EEA1: variants seen among roughly 807,000 people sequenced by gnomAD.
EEA1 encodes the protein early endosome antigen 1.
A neutral mutation model predicts 209.2 loss-of-function variants in EEA1; 111 were observed. That is an observed-to-expected ratio of 0.53 (90% CI 0.45 to 0.62). The LOEUF (loss-of-function observed/expected upper bound fraction) is 0.62, where lower values mean the gene tolerates loss of function less well. EEA1 is among the 20% of genes least tolerant of loss of function. The pLI is 0.00. For missense variants in EEA1, 1,343 were observed against 1,530.8 expected, an observed-to-expected ratio of 0.88 and a Z score of 2.05; for synonymous variants, 536 against 540.6, an observed-to-expected ratio of 0.99 and a Z score of 0.12.
chr12:92,780,093 T>C (rs76152297), intron 24 of EEA1, among the ~76,000 whole-genome samples, 187 bp downstream of exon 24: 120 of 152,238 alleles, frequency 7.9e-4, no homozygotes, highest in African/African-American at 2.8e-3. Context: ...AATGTAGCAA[T>C]TTCAATATGT....
intron 26 of EEA1, 115 bp from the exon 27 acceptor site, chr12:92,777,778 A>G (rs1241622955): frequency 2.3e-6 from 3 of 1,283,820 alleles, no homozygotes; most frequent in Non-Finnish European, 3.2e-6. Flanking sequence ...ATTAATTTTG[A>G]CTATCTGATT....
Position 92,853,971 on chromosome 12 carries a change from G to C in EEA1, c.367-17C>G. 9 of 1,555,176 alleles carry C rather than the reference G, an allele frequency of 5.8e-6. No individual in the cohort carries two copies. Among genetic ancestry groups the C allele is most frequent in the South Asian group, 2.5e-5 (2 of 80,134 alleles). Reference sequence around the variant, plus strand: ...TTTGGCCTCCTCAATTAAAACAAAAGACATAAACAAATGAATTAAAAGGAA... The same window carrying C: ...TTTGGCCTCCTCAATTAAAACAAAACACATAAACAAATGAATTAAAAGGAA... On this transcript the variant is annotated splice_polypyrimidine_tract_variant and intron_variant, in intron 5 of 28. Coordinates refer to ENST00000322349, the MANE Select transcript of EEA1 (RefSeq NM_003566.4).
chr12:92,826,309 T>C (rs1418512879), intron 12 of EEA1, 24 bp from the exon 13 acceptor site: 49 of 1,599,762 alleles, frequency 3.1e-5, no homozygotes, highest in Non-Finnish European at 3.7e-5. Flanking sequence ...AGATTGTCAA[T>C]TGAGAACTTA....
intron 1 of EEA1, among the ~76,000 whole-genome samples, chr12:92,900,735 C>A (rs1880111007): frequency 1.3e-5 from 2 of 149,194 alleles, no homozygotes; most frequent in African/African-American, 4.9e-5. Flanking sequence ...ATGGTGTGAT[C>A]TTGGCTCACT....
intron 5 of EEA1, among the ~76,000 whole-genome samples, chr12:92,856,020 T>A (rs1024608705): frequency 6.6e-6 from 1 of 152,224 alleles, no homozygotes; most frequent in Non-Finnish European, 1.5e-5. Flanking sequence ...TAAGACTGAT[T>A]ATCTTGTCAT....
chr12:92,783,881 C>T lies in EEA1; in HGVS notation c.3151-1746G>A, dbSNP rs551082304. On this transcript the variant is annotated intron_variant, in intron 22 of 28. Transcript: ENST00000322349. Reference sequence around the variant, plus strand: ...AGAAAACGTAATTTAGCAAAGGATCCTTGCTGAGTAGGCTTGTATACAGCA... The same window carrying T: ...AGAAAACGTAATTTAGCAAAGGATCTTTGCTGAGTAGGCTTGTATACAGCA... Among the ~76,000 whole-genome samples, 4 of 151,546 alleles carry T rather than the reference C, an allele frequency of 2.6e-5. No homozygotes were observed. The South Asian group carries it at 8.3e-4, about 32-fold the overall frequency.
intron 13 of EEA1, among the ~76,000 whole-genome samples, chr12:92,823,976 A>G (rs1248357520): frequency 6.6e-6 from 1 of 152,172 alleles, no homozygotes; most frequent in Admixed American, 6.5e-5. Flanking sequence ...AGAGTTATCT[A>G]TATTCACTCT....
In EEA1 at chr12:92,802,423, T is replaced by G; in HGVS notation, c.2651A>C (p.Lys884Thr). 6.3e-7 allele frequency: 1 copy of G among 1,576,874 alleles called. No homozygotes were observed. Among genetic ancestry groups the G allele is most frequent in the Non-Finnish European group, 8.5e-7 (1 of 1,171,158 alleles). The change falls in exon 19 of 29, where the codon AAA becomes ACA. Residue 884 changes from lysine to threonine, a missense_variant. Coordinates refer to ENST00000322349, the MANE Select transcript of EEA1 (RefSeq NM_003566.4). Reference protein sequence around the residue: ...SEFEKENQKGKAAILDLEKTC... With the variant: ...SEFEKENQKGTAAILDLEKTC... ...ACTAACCAAGTCTAATATAGCGGCT[T>G]TTCCTTTCTGATTCTCCTTTTCAAA...
chr12:92,913,023 T>G (rs1283818424), intron 1 of EEA1, among the ~76,000 whole-genome samples: 1 of 152,218 alleles, frequency 6.6e-6, no homozygotes, highest in African/African-American at 2.4e-5. Flanking sequence ...GCTGTCTTTT[T>G]TATACAGTGA....
chr12:92,775,903 A>G lies in EEA1; in HGVS notation c.*108T>C. On this transcript the variant is annotated 3_prime_UTR_variant, in exon 29 of 29. Transcript: ENST00000322349. ...AAATATACTAATTCCTATTTGGTCTAGTATTGCAACCAGTGTCCAAACCAA... is the reference window on the plus strand; with the variant it reads ...AAATATACTAATTCCTATTTGGTCTGGTATTGCAACCAGTGTCCAAACCAA... The G allele has an allele frequency of 8.7e-7, 1 of 1,145,942 alleles. No homozygotes were observed. Among genetic ancestry groups the G allele is most frequent in the Non-Finnish European group, 1.2e-6 (1 of 840,036 alleles). The allele number at this position is 1,145,942 out of a possible 1,614,324, so 71.0% of individuals were successfully genotyped here. A position where few individuals can be genotyped will look rare whatever the true frequency, so the allele number is the denominator to read the frequency against.
chr12:92,823,265 C>T (rs1876147125), intron 13 of EEA1, among the ~76,000 whole-genome samples: 1 of 152,124 alleles, frequency 6.6e-6, no homozygotes, highest in Admixed American at 6.5e-5. Context: ...AAAATCTTTC[C>T]ATCTTGAAAT....
chr12:92,855,784 T>C (rs1308845454), intron 5 of EEA1, among the ~76,000 whole-genome samples: 1 of 152,216 alleles, frequency 6.6e-6, no homozygotes, highest in Non-Finnish European at 1.5e-5. Context: ...ACTTACATCT[T>C]GCACTGTGGA....
At chr12:92,859,325 C>G in intron 3 of EEA1, 5 of 1,226,368 alleles carry the variant, frequency 4.1e-6, no homozygotes, top group South Asian at 1.3e-5. Context: ...AACAGAGAAG[C>G]CTTCAAGCTC....
Position 92,819,394 on chromosome 12 carries a change from C to A in EEA1, c.1642G>T (p.Asp548Tyr). 1 of 1,612,846 alleles carries A rather than the reference C, an allele frequency of 6.2e-7. No individual in the cohort carries two copies. Among genetic ancestry groups the A allele is most frequent in the Non-Finnish European group, 8.5e-7 (1 of 1,179,396 alleles). The change falls in exon 14 of 29, where the codon GAT becomes TAT. Residue 548 changes from aspartate to tyrosine, a missense_variant. Coordinates refer to ENST00000322349, the MANE Select transcript of EEA1 (RefSeq NM_003566.4). ...CCAGCCTGAATTTTTGCATAAAGAT[C>A]TTCTCTTTCTTTTTCTAGTAATGAA... The part of the protein sequence containing the change: ...NISLLEKERE[D>Y]LYAKIQAGEG...
chr12:92,861,861 G>A (rs1193561986), intron 3 of EEA1, among the ~76,000 whole-genome samples: 1 of 152,054 alleles, frequency 6.6e-6, no homozygotes, highest in Non-Finnish European at 1.5e-5. Flanking sequence ...AAAGAGGCTA[G>A]GGAAAAAGGG....
At chr12:92,890,962 G>C (rs951848847) in intron 2 of EEA1, among the ~76,000 whole-genome samples, 1 of 152,012 alleles carries the variant, frequency 6.6e-6, no homozygotes, top group African/African-American at 2.4e-5. Context: ...GCCTTCAAAG[G>C]GGCAACTGAC....
At chr12:92,908,366 T>C (rs1387710232) in intron 1 of EEA1, among the ~76,000 whole-genome samples, 2 of 152,188 alleles carry the variant, frequency 1.3e-5, no homozygotes, top group African/African-American at 4.8e-5. Context: ...GTATGGAGTT[T>C]AGTTGTAATG....
intron 2 of EEA1, chr12:92,884,407 T>C: frequency 7.7e-7 from 1 of 1,295,122 alleles, no homozygotes; most frequent in South Asian, 1.2e-5. Flanking sequence ...TTGGCAGGAA[T>C]GACAACACTG....
At chr12:92,836,205 T>G (rs1876923504) in intron 10 of EEA1, among the ~76,000 whole-genome samples, 1 of 152,214 alleles carries the variant, frequency 6.6e-6, no homozygotes, top group Non-Finnish European at 1.5e-5. Context: ...AAATTTTTCA[T>G]AACACAATTG....
Sources: gnomAD v4.1 joint callset for allele counts (sites outside exome capture counted in the v4.1 genomes callset) on GRCh38, gnomAD v4.1.1 for gene constraint, MANE v1.5 for transcripts, NCBI Gene and HGNC (gene_info 2026-07-23, HGNC 2026-07-21) for gene names.